BPIFB4: variants seen among roughly 807,000 people sequenced by gnomAD.
BPIFB4 encodes the protein BPI fold containing family B member 4.
A neutral mutation model predicts 69.2 loss-of-function variants in BPIFB4; 62 were observed. The ratio of observed to expected loss-of-function variants is 0.90; its 90% CI spans 0.73 to 1.11. The LOEUF is 1.11. BPIFB4 is among the 50% of genes least tolerant of loss of function. The probability of loss-of-function intolerance (pLI) is 0.00; values close to 1 mark genes in which losing one functional copy is unlikely to be tolerated. For missense variants in BPIFB4, 789 were observed against 792.0 expected (o/e 1.00, Z 0.04); for synonymous variants, 330 against 332.7 (o/e 0.99, Z 0.09).
At chr20:33,100,677 C>T (rs966647497) in intron 14 of BPIFB4, among the ~76,000 whole-genome samples, 184 bp downstream of exon 14, 3 of 152,134 alleles carry the variant, frequency 2.0e-5, no homozygotes, top group Admixed American at 1.3e-4. Flanking sequence ...TGGGTGAAGC[C>T]GTGAACTTAG....
At position 33,086,141 on chromosome 20, in the gene BPIFB4, C is replaced by A. The variant is rs754015765; in HGVS notation, c.903C>A (p.Gly301=). Residue 301 remains glycine, a synonymous_variant, in exon 7 of 18, where the codon GGC becomes GGA. Coordinates refer to ENST00000375483, the MANE Select transcript of BPIFB4 (RefSeq NM_182519.3). ...AGCGATGTGACACCCTCCTAGGGGGCATCAAAGTCAAGCTGCTGCGAGGGT... is the reference window on the plus strand; with the variant it reads ...AGCGATGTGACACCCTCCTAGGGGGAATCAAAGTCAAGCTGCTGCGAGGGT... ...VIERCDTLLG[G]IKVKLLRGLL... is the part of the protein sequence containing the mutation. The A allele has an allele frequency of 2.4e-5, 39 of 1,607,342 alleles. No homozygotes were observed. The Admixed American group carries it at 6.3e-4, about 26-fold the overall frequency.
At position 33,092,564 on chromosome 20, in the gene BPIFB4, A is replaced by G; in HGVS notation, c.1250A>G (p.Lys417Arg). 1 of 1,614,116 alleles carries G rather than the reference A, an allele frequency of 6.2e-7. No homozygotes were observed. Among genetic ancestry groups the G allele is most frequent in the Non-Finnish European group, 8.5e-7 (1 of 1,180,014 alleles). Reference protein sequence around the residue: ...PELPPMGDNTKSQLAMSANFL... With the variant: ...PELPPMGDNTRSQLAMSANFL... ...CTGCCTCCCATGGGTGACAACACCA[A>G]GTCCCAGCTGGCCATGTCTGCCAAC... The change falls in exon 11 of 18, where the codon AAG becomes AGG. Residue 417 changes from lysine (K) to arginine (R), a missense_variant. By Grantham distance (26) the Lys-to-Arg change is conservative. Around this residue, in one of 3 missense-constraint regions of BPIFB4, gnomAD observed 611 missense variants for 575.4 expected, o/e 1.06. Coordinates refer to ENST00000375483, the MANE Select transcript of BPIFB4 (RefSeq NM_182519.3).
Position 33,083,783 on chromosome 20 carries a change from C to T in BPIFB4, c.586C>T (p.Leu196Phe), listed in dbSNP as rs1981330160. The change falls in exon 5 of 18, where the codon CTC becomes TTC. Residue 196 changes from leucine (L) to phenylalanine (F), a missense_variant. By Grantham distance (22) the Leu-to-Phe change is conservative. This residue lies in a region of BPIFB4 where 611 missense variants were observed against 575.4 expected (regional missense o/e 1.06). Transcript: ENST00000375483. ...AGGTGGCCTGCTCGGCGGAGGTGGT[C>T]TCCTTGGTGATGGAGGACTTCTTGG... is the stretch of plus-strand genomic sequence containing the variant. ...GQGGLLGGGG[L>F]LGDGGLLGGG... 6.2e-7 allele frequency: 1 copy of T among 1,613,680 alleles called. No homozygotes were observed.
At chr20:33,092,177 A>G (rs976090153) in intron 10 of BPIFB4, among the ~76,000 whole-genome samples, 1 of 152,132 alleles carries the variant, frequency 6.6e-6, no homozygotes, top group East Asian at 1.9e-4. Context: ...CATTGTACAG[A>G]TGCATACATA....
At position 33,088,849 on chromosome 20, in the gene BPIFB4, C is replaced by G. The variant is rs957620167; in HGVS notation, c.927-117C>G. The G allele has an allele frequency of 8.4e-6, 13 of 1,539,382 alleles. No individual in the cohort carries two copies. The African/African-American group carries it at 1.8e-4, about 21-fold the overall frequency. ...GTCCTCCCAGCTTTCGAACAGTTTTCCAGCACTCAGAGGTTCTCACTGTTC... is the reference window on the plus strand; with the variant it reads ...GTCCTCCCAGCTTTCGAACAGTTTTGCAGCACTCAGAGGTTCTCACTGTTC... On this transcript the variant is annotated intron_variant, in intron 7 of 17. Coordinates refer to ENST00000375483, the MANE Select transcript of BPIFB4 (RefSeq NM_182519.3).
Position 33,083,862 on chromosome 20 carries a change from A to G in BPIFB4, c.665A>G (p.Gln222Arg), listed in dbSNP as rs1436440331. The change falls in exon 5 of 18, where the codon CAA becomes CGA. Residue 222 changes from glutamine (Q) to arginine (R), a missense_variant. Coordinates refer to ENST00000375483, the MANE Select transcript of BPIFB4 (RefSeq NM_182519.3). ...GAGGGTGGCATCCTCAGCACTGTGCAAGGCATCACGGGGTAAGGAGGGGAC... is the reference window on the plus strand; with the variant it reads ...GAGGGTGGCATCCTCAGCACTGTGCGAGGCATCACGGGGTAAGGAGGGGAC... ...LGEGGILSTVQGITGLRIVEL... is the reference protein window; with the variant it reads ...LGEGGILSTVRGITGLRIVEL... 1 of 1,608,084 alleles carries G rather than the reference A, an allele frequency of 6.2e-7. No individual in the cohort carries two copies. Among genetic ancestry groups the G allele is most frequent in the East Asian group, 2.2e-5 (1 of 44,720 alleles).
chr20:33,095,245 G>T, intron 12 of BPIFB4, 92 bp downstream of exon 12: 1 of 1,372,922 alleles, frequency 7.3e-7, no homozygotes. Flanking sequence ...CAGCGCTGGG[G>T]TGGGGTGCTC....
At chr20:33,106,574 T>C (rs1982063735) in intron 16 of BPIFB4, among the ~76,000 whole-genome samples, 1 of 152,018 alleles carries the variant, frequency 6.6e-6, no homozygotes, top group Non-Finnish European at 1.5e-5. Flanking sequence ...GTTTTTGCCA[T>C]GTTGGCCAGG....
intron 6 of BPIFB4, among the ~76,000 whole-genome samples, chr20:33,085,667 T>A (rs1040747834): frequency 1.3e-5 from 2 of 152,178 alleles, no homozygotes; most frequent in African/African-American, 2.4e-5. Context: ...CTTCCTGGAA[T>A]AGGGCCTTCC....
intron 7 of BPIFB4, 34 bp from the exon 8 acceptor site, chr20:33,088,932 G>A (rs752595746): frequency 5.6e-6 from 9 of 1,612,808 alleles, no homozygotes; most frequent in African/African-American, 2.7e-5. Context: ...ACATGGCTGC[G>A]AGCCTTGACC....
chr20:33,098,561 A>C (rs1054118226), intron 13 of BPIFB4, among the ~76,000 whole-genome samples: 3 of 152,008 alleles, frequency 2.0e-5, no homozygotes, highest in African/African-American at 7.2e-5. Context: ...CCTTGTCAAC[A>C]TGGTGAAACT....
rs779054648 is a variant in BPIFB4 at position 33,083,568 on chromosome 20, G to T, written c.371G>T (p.Arg124Leu). 7.4e-6 allele frequency: 12 copies of T among 1,613,946 alleles called. No homozygotes were observed. Among genetic ancestry groups the T allele is most frequent in the Non-Finnish European group, 1.0e-5 (12 of 1,179,966 alleles). The stretch of plus-strand genomic sequence containing the variant: ...AGGGACCTCCGAAACAGTGGCTATC[G>T]CAGTGCCGAGAATGCATATGGAGGC... The part of the protein sequence containing the change: ...SIRDLRNSGY[R>L]SAENAYGGHR... Residue 124 changes from arginine (R) to leucine (L), a missense_variant, in exon 5 of 18, where the codon CGC becomes CTC. By Grantham distance (102) the Arg-to-Leu change is moderately radical (BLOSUM62 -2). This residue lies in a region of BPIFB4 where 611 missense variants were observed against 575.4 expected (regional missense o/e 1.06). Transcript: ENST00000375483.
intron 7 of BPIFB4, 25 bp from the exon 8 acceptor site, chr20:33,088,941 C>T: frequency 6.2e-7 from 1 of 1,613,342 alleles, no homozygotes; most frequent in African/African-American, 1.3e-5. Flanking sequence ...CGAGCCTTGA[C>T]CTCATCCTGC....
chr20:33,100,452 C>T lies in BPIFB4; in HGVS notation c.1596C>T (p.Ser532=). 1 of 1,607,020 alleles carries T rather than the reference C, an allele frequency of 6.2e-7. No individual in the cohort carries two copies. The highest frequency in any genetic ancestry group is 1.1e-5 in the South Asian group (1 of 90,920). The change falls in exon 14 of 18, where the codon TCC becomes TCT. Residue 532 remains serine (S), a synonymous_variant. Coordinates refer to ENST00000375483, the MANE Select transcript of BPIFB4 (RefSeq NM_182519.3). The part of the protein sequence containing the change: ...DVDTEFLASF[S]TEGDKLMIDA... ...ACACAGAATTCTTGGCCTCATTTTC[C>T]ACAGAAGGAGATAAGCTCATGATTG...
chr20:33,083,702 G>T lies in BPIFB4; in HGVS notation c.505G>T (p.Gly169Cys), dbSNP rs1308553665. The stretch of plus-strand genomic sequence containing the variant: ...AGTTGCCACTGGGGCGGTGGGCCCA[G>T]GTGGTTTGCTGGGCACTGGAGGCAT... The part of the protein sequence containing the change: ...PGVATGAVGP[G>C]GLLGTGGMLA... The change falls in exon 5 of 18, where the codon GGT (glycine) becomes TGT (cysteine). Residue 169 changes from glycine to cysteine, a missense_variant. Physicochemically the swap from Gly to Cys is radical, Grantham distance 159 (BLOSUM62 -3). Around this residue, in one of 3 missense-constraint regions of BPIFB4, gnomAD observed 611 missense variants for 575.4 expected, o/e 1.06. Coordinates refer to ENST00000375483, the MANE Select transcript of BPIFB4 (RefSeq NM_182519.3). 4 of 1,614,060 alleles carry T rather than the reference G, an allele frequency of 2.5e-6. No homozygotes were observed. In the East Asian group the frequency reaches 8.9e-5, roughly 36 times the overall value.
At chr20:33,081,431 T>A in intron 2 of BPIFB4, 81 bp from the exon 3 acceptor site, 1 of 1,514,384 alleles carries the variant, frequency 6.6e-7, no homozygotes. Context: ...AGATGACTCT[T>A]GGCTGGGGCT....
At chr20:33,087,916 A>G (rs2146405494) in intron 7 of BPIFB4, among the ~76,000 whole-genome samples, 2 of 152,228 alleles carry the variant, frequency 1.3e-5, no homozygotes, top group African/African-American at 4.8e-5. Flanking sequence ...ATTTCAAGAA[A>G]TTCTTTGCTT....
chr20:33,081,715 T>C, intron 3 of BPIFB4, 83 bp downstream of exon 3: 1 of 1,520,742 alleles, frequency 6.6e-7, no homozygotes, highest in Non-Finnish European at 8.9e-7. Flanking sequence ...AGGAACCTCC[T>C]CCTGCTAGCA....
intron 6 of BPIFB4, 109 bp from the exon 7 acceptor site, chr20:33,085,912 G>C: frequency 7.4e-7 from 1 of 1,358,632 alleles, no homozygotes; most frequent in African/African-American, 1.4e-5. Flanking sequence ...TTAGAGATGA[G>C]CAAGGAGCGT....
Sources: allele counts gnomAD v4.1 joint callset (sites outside exome capture counted in the v4.1 genomes callset), GRCh38; gene constraint gnomAD v4.1.1; regional missense constraint gnomAD v4.1.1; transcripts MANE v1.5; gene names NCBI Gene and HGNC (gene_info 2026-07-23, HGNC 2026-07-21).